QPRT: variants seen among roughly 807,000 people sequenced by gnomAD.
QPRT encodes the protein quinolinate phosphoribosyltransferase.
A neutral mutation model predicts 19.8 loss-of-function variants in QPRT; 17 were observed. That is an observed-to-expected ratio of 0.86 (90% CI 0.59 to 1.29). QPRT has a LOEUF of 1.29. Ranked by LOEUF, QPRT falls within the 50% of genes most tolerant of loss-of-function variation. QPRT has a pLI of 0.00. For missense variants in QPRT, 336 were observed against 405.1 expected (o/e 0.83, Z 1.46); for synonymous variants, 178 against 191.0 (o/e 0.93, Z 0.56).
intron 1 of QPRT, among the ~76,000 whole-genome samples, chr16:29,690,351 T>C (rs1967289740): frequency 6.6e-6 from 1 of 152,196 alleles, no homozygotes; most frequent in Non-Finnish European, 1.5e-5. Context: ...AACAGAATGG[T>C]TTACATTCCT....
intron 1 of QPRT, among the ~76,000 whole-genome samples, chr16:29,688,399 G>T (rs143379972): frequency 6.6e-6 from 1 of 152,108 alleles, no homozygotes; most frequent in African/African-American, 2.4e-5. Flanking sequence ...AAAATTGGAC[G>T]ATGCAGAGGT....
At chr16:29,696,740 C>A in intron 2 of QPRT, 1 of 396,000 alleles carries the variant, frequency 2.5e-6, no homozygotes, top group Non-Finnish European at 4.6e-6. Flanking sequence ...ATCATTGCAC[C>A]ACTGCACTCC....
At chr16:29,692,136 G>A (rs1228766072) in intron 1 of QPRT, among the ~76,000 whole-genome samples, 1 of 152,252 alleles carries the variant, frequency 6.6e-6, no homozygotes, top group Admixed American at 6.5e-5. Context: ...TCTTCTCCCT[G>A]CCGATAGATG....
At chr16:29,687,543 A>G (rs7197230) in intron 1 of QPRT, among the ~76,000 whole-genome samples, 60 of 152,270 alleles carry the variant, frequency 3.9e-4, no homozygotes, top group African/African-American at 1.3e-3. Context: ...CAGGGATGAC[A>G]ATAATGACCT....
intron 1 of QPRT, among the ~76,000 whole-genome samples, chr16:29,692,745 C>T (rs976129774): frequency 3.3e-5 from 5 of 151,820 alleles, no homozygotes; most frequent in Non-Finnish European, 5.9e-5. Flanking sequence ...AGCGAGACTC[C>T]GTCTCAAAAA....
chr16:29,689,530 T>C (rs1366166401), intron 1 of QPRT, among the ~76,000 whole-genome samples: 1 of 152,124 alleles, frequency 6.6e-6, no homozygotes, highest in Admixed American at 6.6e-5. Flanking sequence ...CCTGATCCTC[T>C]TGAGGGAAGA....
intron 1 of QPRT, among the ~76,000 whole-genome samples, chr16:29,686,286 C>T (rs547234928): frequency 1.8e-4 from 27 of 152,282 alleles, no homozygotes; most frequent in African/African-American, 6.5e-4. Flanking sequence ...GCCCCCACCC[C>T]GACACTGTCT....
chr16:29,692,150 C>G (rs1459675595), intron 1 of QPRT, among the ~76,000 whole-genome samples: 3 of 152,256 alleles, frequency 2.0e-5, no homozygotes, highest in Admixed American at 6.5e-5. Context: ...ATAGATGGCG[C>G]TGTTGCACCG....
rs1347170684 is a variant in QPRT, at chr16:29,697,565, G to GT, written c.*155dup. The GT allele has an allele frequency of 2.1e-5, 16 of 752,960 alleles. No individual in the cohort carries two copies. The highest frequency in any genetic ancestry group is 2.9e-5 in the Non-Finnish European group (14 of 475,278). 46.6% of individuals were successfully genotyped at this position (752,960 alleles called of 1,614,324 possible). A position where few individuals can be genotyped will look rare whatever the true frequency, so the allele number is the denominator to read the frequency against. ...CTGCCACCTGCTGCTCCTGTGACCT[G>GT]TCAGGGCTGACTTCACCTCTGCTCA... is the stretch of plus-strand genomic sequence containing the variant. On this transcript the variant is annotated 3_prime_UTR_variant, in exon 4 of 4. Coordinates refer to ENST00000395384, the MANE Select transcript of QPRT (RefSeq NM_014298.6). This position sits in a 1 kb window ranked among gnomAD's most constrained non-coding sequence, Gnocchi z 4.4.
rs1184891982 is a variant in QPRT, at chr16:29,698,430, A to G, written c.*1019A>G. 6.6e-6 allele frequency: 1 copy of G among 152,286 alleles called. No homozygotes were observed. Among genetic ancestry groups the G allele is most frequent in the East Asian group, 1.9e-4 (1 of 5,196 alleles). The allele number at this position is 152,286 out of a possible 1,614,324, so 9.4% of individuals were successfully genotyped here. ...TAGTTAAAAAAAAGTAACAATAATA[A>G]TAATATCAACCCCTGACCTAAACTA... On this transcript the variant is annotated 3_prime_UTR_variant, in exon 4 of 4. Transcript: ENST00000395384.
At chr16:29,680,104 C>A (rs1020159579) in intron 1 of QPRT, among the ~76,000 whole-genome samples, 11 of 151,992 alleles carry the variant, frequency 7.2e-5, no homozygotes, top group African/African-American at 2.7e-4. Context: ...ACTACAGGCG[C>A]CCGCCGCCAC....
chr16:29,695,615 G>C (rs942514209), intron 2 of QPRT, among the ~76,000 whole-genome samples: 1 of 146,526 alleles, frequency 6.8e-6, no homozygotes, highest in Non-Finnish European at 1.5e-5. Context: ...TCCGCCTCCC[G>C]AGTAGCTGGG....
chr16:29,691,920 T>C (rs1356533994), intron 1 of QPRT, among the ~76,000 whole-genome samples: 1 of 151,986 alleles, frequency 6.6e-6, no homozygotes, highest in African/African-American at 2.4e-5. Context: ...TTTGGGGAAG[T>C]AGACAAGAGA....
intron 1 of QPRT, among the ~76,000 whole-genome samples, chr16:29,682,739 T>C (rs1596785650): frequency 6.6e-6 from 1 of 152,094 alleles, no homozygotes; most frequent in East Asian, 1.9e-4. Flanking sequence ...CACAATACTA[T>C]TGTCAAAACT....
At chr16:29,688,472 T>C (rs1482353967) in intron 1 of QPRT, among the ~76,000 whole-genome samples, 1 of 152,168 alleles carries the variant, frequency 6.6e-6, no homozygotes, top group Admixed American at 6.6e-5. Context: ...GGTTTGGCTA[T>C]AGACAGAACC....
At chr16:29,679,274 A>T in intron 1 of QPRT, 64 bp downstream of exon 1, 2 of 1,313,114 alleles carry the variant, frequency 1.5e-6, no homozygotes, top group South Asian at 2.6e-5. Flanking sequence ...CCCTGCCCCC[A>T]CCCTGGCTTG....
chr16:29,695,100 T>C lies in QPRT; in HGVS notation c.450T>C (p.Tyr150=). Residue 150 remains tyrosine, a synonymous_variant, in exon 2 of 4, where the codon TAT becomes TAC. Transcript: ENST00000395384. ...CAGGCTTCCGGCTGGTGGAGAAGTA[T>C]GGGCTCCTGGTGGGCGGGGCCGCCT... The part of the protein sequence containing the change: ...TTPGFRLVEK[Y]GLLVGGAASH... The C allele has an allele frequency of 6.2e-7, 1 of 1,603,246 alleles. No homozygotes were observed. The highest frequency in any genetic ancestry group is 1.1e-5 in the South Asian group (1 of 89,966).
chr16:29,679,025 G>A, upstream of QPRT: 1 of 1,129,164 alleles, frequency 8.9e-7, no homozygotes, highest in Non-Finnish European at 1.3e-6. Context: ...AGGGCCTGCT[G>A]AGGAATCTGC....
intron 1 of QPRT, among the ~76,000 whole-genome samples, chr16:29,691,384 A>G (rs1967327517): frequency 7.3e-6 from 1 of 136,286 alleles, no homozygotes; most frequent in South Asian, 2.4e-4. Context: ...AAAAAAAAAA[A>G]AAAAAAAAAA....
Sources: allele counts gnomAD v4.1 joint callset (sites outside exome capture counted in the v4.1 genomes callset), GRCh38; gene constraint gnomAD v4.1.1; non-coding constraint Gnocchi (gnomAD v3.1); transcripts MANE v1.5; gene names NCBI Gene and HGNC (gene_info 2026-07-23, HGNC 2026-07-21).